Variants in DLGAP1 observed in about 807,000 individuals in gnomAD.
The protein encoded by DLGAP1 is DLG associated protein 1.
In DLGAP1, 11 loss-of-function variants were observed where a neutral mutation model predicts 90.8. The observed-to-expected ratio is 0.12, with a 90% CI of 0.08 to 0.20. The LOEUF (loss-of-function observed/expected upper bound fraction) is 0.20, where lower values mean the gene tolerates loss of function less well. Ranked by LOEUF, DLGAP1 falls within the 10% of genes least tolerant of loss-of-function variation. The probability of loss-of-function intolerance (pLI) is 1.00; values close to 1 mark genes in which losing one functional copy is unlikely to be tolerated. For synonymous variants in DLGAP1, 558 were observed against 540.7 expected (o/e 1.03, Z -0.44); for missense variants, 1,050 against 1,333.8 (o/e 0.79, Z 3.31).
intron 1 of DLGAP1, among the ~76,000 whole-genome samples, chr18:4,159,836 T>C (rs1040470614): frequency 1.3e-5 from 2 of 152,208 alleles, no homozygotes; most frequent in East Asian, 1.9e-4. Flanking sequence ...CTCCATTCTC[T>C]TGTTTGTACT....
intron 1 of DLGAP1, among the ~76,000 whole-genome samples, chr18:4,232,838 G>A (rs8090373): frequency 0.031 from 4,702 of 152,140 alleles, 90 homozygotes; most frequent in African/African-American, 0.052. Context: ...AGGTGAAACC[G>A]CCAGCACCTT....
At chr18:3,596,348 C>T (rs985996652) in intron 7 of DLGAP1, among the ~76,000 whole-genome samples, 9 of 151,856 alleles carry the variant, frequency 5.9e-5, no homozygotes, top group African/African-American at 1.7e-4. Flanking sequence ...TTAATAGAGA[C>T]GGGGTTTCAC....
Position 3,879,708 on chromosome 18 carries a change from G to A in DLGAP1, c.361C>T (p.Leu121=). The A allele has an allele frequency of 1.9e-6, 3 of 1,608,758 alleles. No individual in the cohort carries two copies. The highest frequency in any genetic ancestry group is 2.5e-6 in the Non-Finnish European group (3 of 1,179,866). ...TCCACGGCCGTGCGCTTGTACTGCA[G>A]GGTGTGATAGCCATCGCGGCTGAGT... ...LPLSRDGYHT[L]QYKRTAVEHR... is the part of the protein sequence containing the mutation. Residue 121 remains leucine (L), a synonymous_variant, in exon 4 of 13, where the codon CTG becomes TTG. Transcript: ENST00000315677. This position sits in a 1 kb window ranked among gnomAD's most constrained non-coding sequence, Gnocchi z 6.6.
At chr18:4,237,874 A>G (rs1449116194) in intron 1 of DLGAP1, among the ~76,000 whole-genome samples, 1 of 152,160 alleles carries the variant, frequency 6.6e-6, no homozygotes. Flanking sequence ...TTGTAAAGCT[A>G]TAATAAAAAT....
At chr18:3,776,766 G>A (rs558569254) in intron 5 of DLGAP1, among the ~76,000 whole-genome samples, 1 of 152,134 alleles carries the variant, frequency 6.6e-6, no homozygotes, top group Non-Finnish European at 1.5e-5. Context: ...AATTCAAAGA[G>A]ATCACTGGGA....
chr18:3,877,980 T>C (rs989640738), intron 4 of DLGAP1, among the ~76,000 whole-genome samples: 2 of 152,168 alleles, frequency 1.3e-5, no homozygotes, highest in Admixed American at 6.5e-5. Context: ...TGTCCAGGGA[T>C]TGCCAGCTTG....
chr18:4,091,370 T>C (rs900594296), intron 2 of DLGAP1, among the ~76,000 whole-genome samples: 5 of 152,254 alleles, frequency 3.3e-5, no homozygotes, highest in African/African-American at 1.2e-4. Context: ...TCTATTTATA[T>C]TCTTTGAGGT....
intron 1 of DLGAP1, among the ~76,000 whole-genome samples, chr18:4,331,186 A>C (rs993925673): frequency 3.3e-5 from 5 of 151,818 alleles, no homozygotes; most frequent in Admixed American, 1.3e-4. Flanking sequence ...CTTGTGTGGC[A>C]CACCAATTTT....
intron 1 of DLGAP1, among the ~76,000 whole-genome samples, chr18:4,350,772 T>C (rs1272093033): frequency 3.3e-5 from 5 of 152,324 alleles, no homozygotes; most frequent in African/African-American, 1.2e-4. Context: ...ACAATAAAGT[T>C]TTCCAGGTCC....
At chr18:3,846,252 C>T (rs762974042) in intron 4 of DLGAP1, among the ~76,000 whole-genome samples, 2 of 152,160 alleles carry the variant, frequency 1.3e-5, no homozygotes, top group Non-Finnish European at 2.9e-5. Flanking sequence ...AATACAATTT[C>T]AGTAGAGCAA....
At chr18:3,788,257 T>C (rs1329638078) in intron 5 of DLGAP1, among the ~76,000 whole-genome samples, 2 of 152,198 alleles carry the variant, frequency 1.3e-5, no homozygotes, top group Admixed American at 6.5e-5. Context: ...TAAAATTTGA[T>C]CGTATCGGGA....
chr18:4,373,616 C>CCTTCCTCTCATCTACATCTCTTCTTTTT (rs2081960687), intron 1 of DLGAP1, among the ~76,000 whole-genome samples: 1 of 152,096 alleles, frequency 6.6e-6, no homozygotes. Flanking sequence ...TCTGGTGATC[C>CCTTCCTCTCATCTACATCTCTTCTTTTT]CTTCCTCTCA....
intron 2 of DLGAP1, among the ~76,000 whole-genome samples, chr18:4,028,463 C>T (rs1326271252): frequency 6.6e-6 from 1 of 152,168 alleles, no homozygotes; most frequent in Admixed American, 6.5e-5. Context: ...GCACAGGGCA[C>T]ATCACGCCAA....
At chr18:4,261,864 A>T (rs1742009863) in intron 1 of DLGAP1, among the ~76,000 whole-genome samples, 1 of 152,200 alleles carries the variant, frequency 6.6e-6, no homozygotes, top group African/African-American at 2.4e-5. Flanking sequence ...AGACAATACC[A>T]GAAGGAAAGA....
rs938067518 is a variant in DLGAP1, at chr18:4,099,325, A to G, written c.-159+51855T>C. Among the ~76,000 whole-genome samples, 6 of 144,020 alleles carry G rather than the reference A, an allele frequency of 4.2e-5. No individual in the cohort carries two copies. The East Asian group carries it at 8.2e-4, about 20-fold the overall frequency. 94.5% of individuals were successfully genotyped at this position (144,020 alleles called of 152,430 possible). ...TATCTATCTATCTATCTATCTATCTATCTATCTATCTATCTATCTATCTGT... is the reference window on the plus strand; with the variant it reads ...TATCTATCTATCTATCTATCTATCTGTCTATCTATCTATCTATCTATCTGT... On this transcript the variant is annotated intron_variant, in intron 2 of 12. Coordinates refer to ENST00000315677, the MANE Select transcript of DLGAP1 (RefSeq NM_004746.4).
At chr18:4,200,103 G>C (rs2077579814) in intron 1 of DLGAP1, among the ~76,000 whole-genome samples, 1 of 152,078 alleles carries the variant, frequency 6.6e-6, no homozygotes, top group Non-Finnish European at 1.5e-5. Context: ...TGGATTCCAA[G>C]TATTTTCTGA....
intron 10 of DLGAP1, among the ~76,000 whole-genome samples, chr18:3,520,810 T>C (rs1017423860): frequency 6.6e-6 from 1 of 152,240 alleles, no homozygotes; most frequent in African/African-American, 2.4e-5. Flanking sequence ...AAGGGCAGCA[T>C]GCCTTCGCTC....
At chr18:3,534,105 A>C in intron 10 of DLGAP1, 89 bp downstream of exon 10, 1 of 1,417,966 alleles carries the variant, frequency 7.1e-7, no homozygotes, top group East Asian at 2.3e-5. Context: ...ATACAAGTGA[A>C]GCTGGCAGAG....
At chr18:3,550,086 G>A (rs1190648567) in intron 9 of DLGAP1, among the ~76,000 whole-genome samples, 1 of 148,556 alleles carries the variant, frequency 6.7e-6, no homozygotes, top group Non-Finnish European at 1.5e-5. Context: ...GCTAATTTTT[G>A]TATTTTTAGT....
Sources: gnomAD v4.1 joint callset for allele counts (sites outside exome capture counted in the v4.1 genomes callset) on GRCh38, gnomAD v4.1.1 for gene constraint, Gnocchi (gnomAD v3.1) non-coding constraint, MANE v1.5 for transcripts, NCBI Gene and HGNC (gene_info 2026-07-23, HGNC 2026-07-21) for gene names.